Variants in EPM2A observed in about 807,000 individuals in gnomAD.
EPM2A encodes EPM2A glucan phosphatase, laforin.
Under a neutral mutation model 26.5 loss-of-function variants are expected in EPM2A, and 21 were observed. The observed-to-expected ratio is 0.79, with a 90% CI of 0.56 to 1.14. The LOEUF is 1.14. Among genes scored for constraint, EPM2A ranks in the 50% most tolerant of loss-of-function variants. EPM2A has a pLI of 0.00. For missense variants in EPM2A, 458 were observed against 440.8 expected (o/e 1.04, Z -0.35); for synonymous variants, 217 against 177.6 (o/e 1.22, Z -1.76).
chr6:145,627,139 C>T lies in EPM2A; in HGVS notation c.*277G>A, dbSNP rs562633151. 2 of 1,347,988 alleles carry T rather than the reference C, an allele frequency of 1.5e-6. No homozygotes were observed. Among genetic ancestry groups the T allele is most frequent in the African/African-American group, 2.9e-5 (2 of 68,000 alleles). 83.5% of individuals were successfully genotyped at this position (1,347,988 alleles called of 1,614,324 possible). A position where few individuals can be genotyped will look rare whatever the true frequency, so the allele number is the denominator to read the frequency against. ...AGCAAAGGCCTCGTCTGCCTGCAGG[C>T]AGCAGGAACTGCACGCATTACCCTT... On this transcript the variant is annotated 3_prime_UTR_variant, in exon 4 of 4. Transcript: ENST00000367519.
At chr6:145,661,977 T>A (rs1176358205) in intron 2 of EPM2A, among the ~76,000 whole-genome samples, 1 of 152,208 alleles carries the variant, frequency 6.6e-6, no homozygotes, top group Admixed American at 6.5e-5. Flanking sequence ...CAAAAAGCCC[T>A]ATTTCCAAAC....
intron 2 of EPM2A, among the ~76,000 whole-genome samples, chr6:145,665,488 C>T: frequency 8.5e-6 from 1 of 117,438 alleles, no homozygotes; most frequent in African/African-American, 3.5e-5. Flanking sequence ...TCTGAATAGA[C>T]CAATAACAGG....
Position 145,564,779 on chromosome 6 carries a change from G to T in EPM2A, c.341-62204C>A, listed in dbSNP as rs920794580. ...AGATCTTGTGGGTATATGGTGGGGG[G>T]GGGCAGGGGGTGTGGAGGGAGCTGG... On this transcript the variant is annotated intron_variant, in intron 2 of 3. Coordinates refer to the EPM2A transcript ENST00000450221. 3.2e-4 allele frequency among the ~76,000 whole-genome samples: 49 copies of T among 151,496 alleles called. 1 individual carries two copies. The highest frequency in any genetic ancestry group is 1.9e-4 in the Non-Finnish European group (13 of 67,902).
intron 4 of EPM2A, among the ~76,000 whole-genome samples, chr6:145,440,245 G>A (rs1779044849): frequency 6.6e-6 from 1 of 152,144 alleles, no homozygotes; most frequent in Non-Finnish European, 1.5e-5. Context: ...AAGTGAAAGA[G>A]GTTTCCCCTT....
intron 2 of EPM2A, among the ~76,000 whole-genome samples, chr6:145,539,741 G>C (rs907531545): frequency 6.6e-6 from 1 of 152,102 alleles, no homozygotes; most frequent in Admixed American, 6.5e-5. Context: ...TTTGTTTTCC[G>C]TATTTTGATG....
intron 2 of EPM2A, among the ~76,000 whole-genome samples, chr6:145,680,917 T>A (rs1267288167): frequency 6.6e-6 from 1 of 151,470 alleles, no homozygotes; most frequent in Non-Finnish European, 1.5e-5. Flanking sequence ...AGTAATGGGA[T>A]GGCTGGGTCA....
chr6:145,388,605 G>T (rs1190332798), intron 4 of EPM2A, among the ~76,000 whole-genome samples: 1 of 152,056 alleles, frequency 6.6e-6, no homozygotes, highest in African/African-American at 2.4e-5. Flanking sequence ...ATGGTGGTTT[G>T]CTCCACCCAT....
At chr6:145,523,834 G>A (rs1279097815) in intron 2 of EPM2A, among the ~76,000 whole-genome samples, 2 of 151,992 alleles carry the variant, frequency 1.3e-5, no homozygotes, top group African/African-American at 4.8e-5. Context: ...TTGTCACATG[G>A]GTATATTGTG....
chr6:145,725,492 T>G (rs1355252967), intron 1 of EPM2A, among the ~76,000 whole-genome samples: 1 of 152,112 alleles, frequency 6.6e-6, no homozygotes, highest in Non-Finnish European at 1.5e-5. Context: ...CACCAATGTT[T>G]ATTCATAATC....
intron 2 of EPM2A, among the ~76,000 whole-genome samples, chr6:145,684,492 C>T (rs986005669): frequency 6.6e-6 from 1 of 152,144 alleles, no homozygotes; most frequent in Non-Finnish European, 1.5e-5. Flanking sequence ...GGATCTTCTG[C>T]TTCTCCTTGA....
chr6:145,716,890 G>A lies in EPM2A; in HGVS notation c.301+18308C>T, dbSNP rs188202027. On this transcript the variant is annotated intron_variant, in intron 1 of 3. Coordinates refer to ENST00000367519, the MANE Select transcript of EPM2A (RefSeq NM_005670.4). ...GATTTTTAAAAACAGCTTTGTTGTT[G>A]TATTTATTCCCATAATTGCAACACA... Among the ~76,000 whole-genome samples, 183 of 152,200 alleles carry A rather than the reference G, an allele frequency of 1.2e-3. 1 individual carries two copies. The highest frequency in any genetic ancestry group is 3.0e-3 in the African/African-American group (126 of 41,540).
At chr6:145,417,593 A>G (rs564117778) in intron 4 of EPM2A, among the ~76,000 whole-genome samples, 1 of 152,310 alleles carries the variant, frequency 6.6e-6, no homozygotes, top group Admixed American at 6.5e-5. Flanking sequence ...ATTTGACTCT[A>G]GGTATAACTC....
intron 2 of EPM2A, among the ~76,000 whole-genome samples, chr6:145,615,719 A>C (rs1425032038): frequency 6.6e-6 from 1 of 152,052 alleles, no homozygotes; most frequent in East Asian, 1.9e-4. Context: ...TCACATGGAG[A>C]TGAGGAACTT....
chr6:145,688,563 G>A (rs2128616628), intron 1 of EPM2A, among the ~76,000 whole-genome samples: 1 of 152,138 alleles, frequency 6.6e-6, no homozygotes, highest in African/African-American at 2.4e-5. Flanking sequence ...AAAGAGAGCT[G>A]GAGTTACTCA....
chr6:145,505,629 A>C (rs1283557261), intron 2 of EPM2A, among the ~76,000 whole-genome samples: 1 of 152,160 alleles, frequency 6.6e-6, no homozygotes, highest in African/African-American at 2.4e-5. Flanking sequence ...AAAAAACCCT[A>C]CACTTATTTT....
chr6:145,398,896 T>C (rs1314910722), intron 4 of EPM2A, among the ~76,000 whole-genome samples: 2 of 150,824 alleles, frequency 1.3e-5, no homozygotes, highest in Non-Finnish European at 3.0e-5. Flanking sequence ...CTTTCTCCAA[T>C]GTTCCTGACA....
At chr6:145,701,254 G>A (rs1781895307) in intron 1 of EPM2A, among the ~76,000 whole-genome samples, 1 of 152,170 alleles carries the variant, frequency 6.6e-6, no homozygotes, top group South Asian at 2.1e-4. Flanking sequence ...CTGGTTAACA[G>A]TGACCTAAAC....
intron 2 of EPM2A, among the ~76,000 whole-genome samples, chr6:145,665,861 T>C (rs1388006892): frequency 6.8e-6 from 1 of 148,080 alleles, no homozygotes. Flanking sequence ...TGGTTCAATA[T>C]ACGCAAATCA....
intron 1 of EPM2A, among the ~76,000 whole-genome samples, chr6:145,701,391 C>A (rs1017420200): frequency 1.3e-5 from 2 of 152,196 alleles, no homozygotes; most frequent in Non-Finnish European, 2.9e-5. Context: ...TTTTGTCAAG[C>A]TTCTAACCTG....
Sources: gnomAD v4.1 joint callset for allele counts (sites outside exome capture counted in the v4.1 genomes callset) on GRCh38, gnomAD v4.1.1 for gene constraint, MANE v1.5 for transcripts, NCBI Gene and HGNC (gene_info 2026-07-23, HGNC 2026-07-21) for gene names.